CSTPP1: variants seen among roughly 807,000 people sequenced by gnomAD.
CSTPP1 encodes UPF0705 protein C11orf49.
At chr11:47,058,143 G>C in the CSTPP1 span, among the ~76,000 whole-genome samples, 1 of 152,208 alleles carries the variant, frequency 6.6e-6, no homozygotes, top group East Asian at 1.9e-4. Context: ...TGACCAGCTT[G>C]GGCAACAGAG....
At chr11:47,043,846 TAA>T in the CSTPP1 span, among the ~76,000 whole-genome samples, 1 of 152,044 alleles carries the variant, frequency 6.6e-6, no homozygotes, top group Middle Eastern at 3.2e-3. Flanking sequence ...TCTCTAGATA[TAA>T]AAAGGCATGG....
the CSTPP1 span, chr11:47,137,751 A>G: frequency 6.2e-7 from 1 of 1,608,598 alleles, no homozygotes; most frequent in Non-Finnish European, 8.5e-7. Flanking sequence ...GGACTCTTGA[A>G]ACCAACTCAG....
the CSTPP1 span, among the ~76,000 whole-genome samples, chr11:47,014,172 G>A: frequency 6.6e-6 from 1 of 151,130 alleles, no homozygotes; most frequent in Non-Finnish European, 1.5e-5. Flanking sequence ...CAGCCTGAGT[G>A]ACACAGTGAG....
the CSTPP1 span, among the ~76,000 whole-genome samples, chr11:46,944,084 G>A: frequency 6.6e-6 from 1 of 151,906 alleles, no homozygotes; most frequent in Admixed American, 6.6e-5. Flanking sequence ...TTGGGAGGCC[G>A]AGGCGGGTGG....
At chr11:47,073,029 ATGT>A in the CSTPP1 span, among the ~76,000 whole-genome samples, 108 of 152,330 alleles carry the variant, frequency 7.1e-4, no homozygotes, top group African/African-American at 2.4e-3. Flanking sequence ...GTTTACTGAA[ATGT>A]TGTGAATGAT....
chr11:46,985,733 A>G, the CSTPP1 span, among the ~76,000 whole-genome samples: 4 of 152,222 alleles, frequency 2.6e-5, no homozygotes, highest in Non-Finnish European at 5.9e-5. Flanking sequence ...ATCACGTACT[A>G]TGTACCAAAC....
chr11:46,987,532 C>T, the CSTPP1 span: 1 of 470,024 alleles, frequency 2.1e-6, no homozygotes. Context: ...ATTACAGTAG[C>T]TTAACAACTG....
the CSTPP1 span, among the ~76,000 whole-genome samples, chr11:46,996,250 T>C: frequency 2.0e-5 from 3 of 152,182 alleles, no homozygotes; most frequent in African/African-American, 7.2e-5. Context: ...GTCTGTGTCT[T>C]TTAACTGGAG....
At chr11:47,159,032 T>C in the CSTPP1 span, among the ~76,000 whole-genome samples, 1 of 152,184 alleles carries the variant, frequency 6.6e-6, no homozygotes, top group African/African-American at 2.4e-5. Flanking sequence ...ATATTTTTTA[T>C]CTTACACAAT....
At chr11:47,077,196 G>GTTTTTTTTTTTT in the CSTPP1 span, among the ~76,000 whole-genome samples, 1 of 135,522 alleles carries the variant, frequency 7.4e-6, no homozygotes, top group African/African-American at 2.7e-5. Context: ...GGATAAAGTT[G>GTTTTTTTTTTTT]TTTTTTTTTT....
the CSTPP1 span, among the ~76,000 whole-genome samples, chr11:47,110,415 G>A: frequency 3.9e-5 from 6 of 152,234 alleles, no homozygotes; most frequent in Non-Finnish European, 8.8e-5. Flanking sequence ...AATGGAATGA[G>A]AAGACATGAT....
chr11:47,037,935 GGGGCTCCTC>G, the CSTPP1 span, among the ~76,000 whole-genome samples: 8 of 127,788 alleles, frequency 6.3e-5, no homozygotes, highest in African/African-American at 2.0e-4. Flanking sequence ...GCCGGGCAGA[GGGGCTCCTC>G]ACTTCCCAGT....
At chr11:47,006,555 T>C in the CSTPP1 span, among the ~76,000 whole-genome samples, 1 of 151,956 alleles carries the variant, frequency 6.6e-6, no homozygotes, top group Non-Finnish European at 1.5e-5. Flanking sequence ...GCTCTTCAAA[T>C]TTACTTCTGT....
At chr11:47,008,983 A>T in the CSTPP1 span, among the ~76,000 whole-genome samples, 1 of 151,868 alleles carries the variant, frequency 6.6e-6, no homozygotes, top group African/African-American at 2.4e-5. Context: ...GTGAGCCAAG[A>T]TCACACCACT....
At chr11:47,036,058 A>T in the CSTPP1 span, among the ~76,000 whole-genome samples, 35 of 27,132 alleles carry the variant, frequency 1.3e-3, 9 homozygotes, top group African/African-American at 4.8e-3. Flanking sequence ...TATATATATT[A>T]TATATATATA....
At chr11:47,038,093 G>A in the CSTPP1 span, among the ~76,000 whole-genome samples, 18 of 74,800 alleles carry the variant, frequency 2.4e-4, no homozygotes, top group Non-Finnish European at 5.1e-4. Context: ...GCGGCTGGCC[G>A]GGCGGGGGGC....
chr11:47,057,077 G>A, the CSTPP1 span, among the ~76,000 whole-genome samples: 3 of 152,164 alleles, frequency 2.0e-5, no homozygotes, highest in Non-Finnish European at 4.4e-5. Flanking sequence ...TTTTCTGCAT[G>A]ACTGAGTACT....
chr11:47,069,346 A>G, the CSTPP1 span, among the ~76,000 whole-genome samples: 1 of 152,224 alleles, frequency 6.6e-6, no homozygotes, highest in Non-Finnish European at 1.5e-5. Context: ...AAATGAACAT[A>G]TACATTTTGT....
chr11:47,159,355 C>T, the CSTPP1 span, among the ~76,000 whole-genome samples: 1 of 151,848 alleles, frequency 6.6e-6, no homozygotes, highest in African/African-American at 2.4e-5. Flanking sequence ...ACTGAAAATA[C>T]AAAAATTAGC....
Sources: allele counts gnomAD v4.1 joint callset (sites outside exome capture counted in the v4.1 genomes callset), GRCh38; gene constraint gnomAD v4.1.1; transcripts MANE v1.5; gene names NCBI Gene and HGNC (gene_info 2026-07-23, HGNC 2026-07-21).